NR4A3: variants seen among roughly 807,000 people sequenced by gnomAD.
NR4A3 encodes nuclear receptor subfamily 4 group A member 3, also known as chondrosarcoma, extraskeletal myxoid, fused to EWS.
Under a neutral mutation model 55.6 loss-of-function variants are expected in NR4A3, and 13 were observed. That is an observed-to-expected ratio of 0.23 (90% CI 0.15 to 0.37). The LOEUF (loss-of-function observed/expected upper bound fraction) is 0.37. Ranked by LOEUF, NR4A3 falls within the 10% of genes least tolerant of loss-of-function variation. NR4A3 has a pLI of 1.00. For synonymous variants in NR4A3, 342 were observed against 357.9 expected (o/e 0.96, Z 0.50); for missense variants, 646 against 822.8 (o/e 0.79, Z 2.63).
Position 99,829,937 on chromosome 9 carries a change from G to A in NR4A3, c.951+944G>A, listed in dbSNP as rs114031355. 2.2e-3 allele frequency among the ~76,000 whole-genome samples: 335 copies of A among 152,306 alleles called. 1 individual carries two copies. The highest frequency in any genetic ancestry group is 7.8e-3 in the African/African-American group (323 of 41,570). On this transcript the variant is annotated intron_variant, in intron 3 of 7. Coordinates refer to ENST00000395097, the MANE Select transcript of NR4A3 (RefSeq NM_006981.4). ...CCCATGAGATGTTTCCAGCTGATTT[G>A]TCCTGACTCCTGAGTTCAGTGTTAT...
chr9:99,851,516 T>C (rs934387313), intron 7 of NR4A3, among the ~76,000 whole-genome samples: 9 of 152,196 alleles, frequency 5.9e-5, no homozygotes, highest in South Asian at 2.1e-4. Flanking sequence ...TGGATTAGTA[T>C]TGGTGGTTTG....
intron 5 of NR4A3, among the ~76,000 whole-genome samples, chr9:99,841,751 T>C (rs1461613169): frequency 8.2e-6 from 1 of 122,456 alleles, no homozygotes; most frequent in Admixed American, 8.3e-5. Context: ...AAGACCTGCC[T>C]AGGCAATATA....
intron 7 of NR4A3, among the ~76,000 whole-genome samples, chr9:99,850,957 T>C (rs1471240864): frequency 6.6e-6 from 1 of 152,330 alleles, no homozygotes; most frequent in Admixed American, 6.5e-5. Flanking sequence ...GAAGGCAGTA[T>C]GTTTGGTGAC....
Position 99,863,936 on chromosome 9 carries a change from T to G in NR4A3, c.*69T>G. 1 of 1,505,322 alleles carries G rather than the reference T, an allele frequency of 6.6e-7. No homozygotes were observed. The highest frequency in any genetic ancestry group is 8.9e-7 in the Non-Finnish European group (1 of 1,118,728). The allele number at this position is 1,505,322 out of a possible 1,614,324, so 93.2% of individuals were successfully genotyped here. ...GCTTGCTACGCAGCAAAGGGATAGG[T>G]TTGGAAACCTATCATTTCCTGTCCT... On this transcript the variant is annotated 3_prime_UTR_variant, in exon 8 of 8. Transcript: ENST00000395097.
chr9:99,852,505 C>T (rs1827866595), intron 7 of NR4A3, among the ~76,000 whole-genome samples: 1 of 152,186 alleles, frequency 6.6e-6, no homozygotes, highest in African/African-American at 2.4e-5. Flanking sequence ...TATTTACCTT[C>T]TGGCTTGATG....
chr9:99,842,778 G>A (rs1827678539), intron 5 of NR4A3, among the ~76,000 whole-genome samples: 1 of 151,872 alleles, frequency 6.6e-6, no homozygotes, highest in South Asian at 2.1e-4. Context: ...ATACTTAATA[G>A]CTAGGAGGGG....
chr9:99,822,934 C>T lies in NR4A3; in HGVS notation c.-177+527C>T, dbSNP rs1360614462. On this transcript the variant is annotated intron_variant, in intron 1 of 7. Coordinates refer to ENST00000395097, the MANE Select transcript of NR4A3 (RefSeq NM_006981.4). The surrounding 1 kb of genome is among the most constrained non-coding windows in gnomAD (Gnocchi z 4.9). ...GCTTAGGAGGGAAGGGCCTAGGCAG[C>T]GACGGCCAGAGTTTGCAGACGCACT... 6.6e-6 allele frequency among the ~76,000 whole-genome samples: 1 copy of T among 152,066 alleles called. No homozygotes were observed. The highest frequency in any genetic ancestry group is 2.4e-5 in the African/African-American group (1 of 41,404).
intron 2 of NR4A3, chr9:99,826,933 C>T (rs1410327104): frequency 6.6e-6 from 5 of 762,450 alleles, no homozygotes; most frequent in East Asian, 2.7e-5. Context: ...CACCAAAAAC[C>T]GCCGTTTTTT....
Position 99,865,926 on chromosome 9 carries a change from T to C in NR4A3, c.*2059T>C, listed in dbSNP as rs551464033. ...AACTAGTCCAACCCCTTAAAATTCA[T>C]AGAGGAGCAAACTGGGGCCCATTGA... On this transcript the variant is annotated 3_prime_UTR_variant, in exon 8 of 8. Coordinates refer to ENST00000395097, the MANE Select transcript of NR4A3 (RefSeq NM_006981.4). This position sits in a 1 kb window ranked among gnomAD's most constrained non-coding sequence, Gnocchi z 4.3. 25 of 218,598 alleles carry C rather than the reference T, an allele frequency of 1.1e-4. No individual in the cohort carries two copies. Among genetic ancestry groups the C allele is most frequent in the African/African-American group, 5.2e-4 (23 of 44,514 alleles). The allele number at this position is 218,598 out of a possible 1,614,324, so 13.5% of individuals were successfully genotyped here.
intron 5 of NR4A3, among the ~76,000 whole-genome samples, chr9:99,841,624 T>C (rs554799053): frequency 6.6e-6 from 1 of 152,256 alleles, no homozygotes; most frequent in Non-Finnish European, 1.5e-5. Flanking sequence ...CAGCAAAATT[T>C]TGAGGAAGGC....
intron 6 of NR4A3, among the ~76,000 whole-genome samples, chr9:99,845,882 CTA>C (rs947394257): frequency 6.6e-6 from 1 of 152,196 alleles, no homozygotes; most frequent in Non-Finnish European, 1.5e-5. Flanking sequence ...GGAGTTACAA[CTA>C]GAGTGCCAGT....
At chr9:99,857,906 A>G (rs2118160728) in intron 7 of NR4A3, among the ~76,000 whole-genome samples, 1 of 152,306 alleles carries the variant, frequency 6.6e-6, no homozygotes, top group East Asian at 1.9e-4. Flanking sequence ...AATAACTCCC[A>G]ACCTGTATAT....
chr9:99,833,594 A>G, intron 5 of NR4A3, 140 bp downstream of exon 5: 1 of 1,602,326 alleles, frequency 6.2e-7, no homozygotes, highest in Non-Finnish European at 8.5e-7. Flanking sequence ...TTCTCGCTTC[A>G]TTTAGCAATT....
intron 5 of NR4A3, among the ~76,000 whole-genome samples, chr9:99,842,105 C>T (rs1480113680): frequency 7.3e-6 from 1 of 137,114 alleles, no homozygotes; most frequent in Non-Finnish European, 1.6e-5. Flanking sequence ...GCTGGACTCT[C>T]TGATTTTTTT....
At chr9:99,829,660 ACTGT>A (rs1325672595) in intron 3 of NR4A3, among the ~76,000 whole-genome samples, 1 of 152,148 alleles carries the variant, frequency 6.6e-6, no homozygotes, top group African/African-American at 2.4e-5. Context: ...GACAGGGACA[ACTGT>A]CTTCTTCTAT....
intron 7 of NR4A3, among the ~76,000 whole-genome samples, chr9:99,861,685 C>A (rs947064335): frequency 1.3e-5 from 2 of 152,190 alleles, no homozygotes; most frequent in Non-Finnish European, 2.9e-5. Flanking sequence ...TTTTCTGGTT[C>A]CCAGGCCTCT....
chr9:99,849,534 G>A (rs2118129251), intron 7 of NR4A3, among the ~76,000 whole-genome samples: 1 of 152,270 alleles, frequency 6.6e-6, no homozygotes, highest in South Asian at 2.1e-4. Flanking sequence ...GGACTGGAAG[G>A]AAACTGGTTC....
intron 7 of NR4A3, 68 bp from the exon 8 acceptor site, chr9:99,863,552 T>C (rs7032301): frequency 0.51 from 781,786 of 1,535,812 alleles, 205,950 homozygotes; most frequent in Non-Finnish European, 0.55. Context: ...AGACCTCAAT[T>C]AGGGATTCAA....
chr9:99,823,883 C>T (rs1037867684), intron 1 of NR4A3, among the ~76,000 whole-genome samples: 6 of 151,980 alleles, frequency 3.9e-5, no homozygotes, highest in African/African-American at 1.5e-4. Flanking sequence ...CTCTTGCCCC[C>T]GCCCAACCTC....
Sources: allele counts gnomAD v4.1 joint callset (sites outside exome capture counted in the v4.1 genomes callset), GRCh38; gene constraint gnomAD v4.1.1; non-coding constraint Gnocchi (gnomAD v3.1); transcripts MANE v1.5; gene names NCBI Gene and HGNC (gene_info 2026-07-23, HGNC 2026-07-21).